The following VEZT variants were observed in gnomAD, a reference collection of about 807,000 sequenced individuals.
VEZT encodes the protein vezatin.
Under a neutral mutation model 79.9 loss-of-function variants are expected in VEZT, and 39 were observed. The observed-to-expected ratio is 0.49, with a 90% CI of 0.38 to 0.64. The LOEUF is 0.64. Among genes scored for constraint, VEZT ranks in the 30% least tolerant of loss-of-function variants. VEZT has a pLI of 0.00. For missense variants in VEZT, 837 were observed against 893.1 expected (o/e 0.94, Z 0.80); for synonymous variants, 325 against 327.6 (o/e 0.99, Z 0.09).
At position 95,266,549 on chromosome 12, in the gene VEZT, A is replaced by C. The variant is rs780956220; in HGVS notation, c.627A>C (p.Thr209=). ...KYSVHLEDMA[T]NSRAFTNLVR... ...GCGTTCATTTGGAAGATATGGCCAC[A>C]AACAGCCGAGCTTTTACTAACCTCG... Residue 209 remains threonine (T), a synonymous_variant, in exon 5 of 12, where the codon ACA becomes ACC. Transcript: ENST00000436874. 1 of 1,614,000 alleles carries C rather than the reference A, an allele frequency of 6.2e-7. No individual in the cohort carries two copies. Among genetic ancestry groups the C allele is most frequent in the South Asian group, 1.1e-5 (1 of 91,082 alleles).
intron 1 of VEZT, among the ~76,000 whole-genome samples, chr12:95,222,000 C>T (rs1358102474): frequency 6.6e-6 from 1 of 152,136 alleles, no homozygotes; most frequent in Non-Finnish European, 1.5e-5. Flanking sequence ...TATGCAAATA[C>T]TATGCCATTT....
intron 11 of VEZT, among the ~76,000 whole-genome samples, chr12:95,297,330 G>A (rs1032162301): frequency 3.9e-5 from 6 of 152,046 alleles, no homozygotes; most frequent in Admixed American, 3.3e-4. Context: ...GAAATCAACT[G>A]CCCTGCTTTT....
intron 2 of VEZT, among the ~76,000 whole-genome samples, chr12:95,254,056 C>T (rs1025549617): frequency 6.6e-6 from 1 of 152,162 alleles, no homozygotes; most frequent in Non-Finnish European, 1.5e-5. Flanking sequence ...TTACAATTCA[C>T]TGCAGCATTC....
rs969814947 is a variant in VEZT at position 95,224,381 on chromosome 12, C to G, written c.36+6495C>G. 7.0e-5 allele frequency: 27 copies of G among 385,914 alleles called. 1 individual carries two copies. Among genetic ancestry groups the G allele is most frequent in the Non-Finnish European group, 1.2e-4 (24 of 193,644 alleles). 23.9% of individuals were successfully genotyped at this position (385,914 alleles called of 1,614,324 possible). A position where few individuals can be genotyped will look rare whatever the true frequency, so the allele number is the denominator to read the frequency against. The stretch of plus-strand genomic sequence containing the variant: ...TAGGCTGGAATGCAGTGTTAACCAT[C>G]ATAACTCACTGCAGCCTCCAACTCC... On this transcript the variant is annotated intron_variant, in intron 1 of 11. Coordinates refer to ENST00000436874, the MANE Select transcript of VEZT (RefSeq NM_017599.4).
chr12:95,276,263 T>C (rs1211113659), intron 7 of VEZT, among the ~76,000 whole-genome samples: 40 of 102,820 alleles, frequency 3.9e-4, no homozygotes, highest in African/African-American at 1.1e-3. Context: ...TTTTTTCTTT[T>C]TTTTTTTTTT....
rs187294116 is a variant in VEZT, at chr12:95,292,022, A to G, written c.1523-2250A>G. Among the ~76,000 whole-genome samples the G allele has an allele frequency of 8.5e-4, 129 of 151,932 alleles. 1 individual carries two copies. The highest frequency in any genetic ancestry group is 3.0e-3 in the African/African-American group (124 of 41,422). Reference sequence around the variant, plus strand: ...GTCATGTTGGCCAGGCTGGTCTCCAACTCCTAACCTCAAGTGATCAGCCCA... The same window carrying G: ...GTCATGTTGGCCAGGCTGGTCTCCAGCTCCTAACCTCAAGTGATCAGCCCA... On this transcript the variant is annotated intron_variant, in intron 9 of 11. Transcript: ENST00000436874.
At chr12:95,243,531 T>C (rs944810829) in intron 1 of VEZT, among the ~76,000 whole-genome samples, 3 of 152,158 alleles carry the variant, frequency 2.0e-5, no homozygotes, top group African/African-American at 2.4e-5. Context: ...TGGCCTGTTA[T>C]AAATAAATAA....
chr12:95,282,664 C>A lies in VEZT; in HGVS notation c.1328+20C>A. On this transcript the variant is annotated intron_variant, in intron 8 of 11. Transcript: ENST00000436874. Reference sequence around the variant, plus strand: ...GAATGAGTAAGTTTAGAAATTATACCAAGAAAGGTCTCGGTAATTAGCAAG... The same window carrying A: ...GAATGAGTAAGTTTAGAAATTATACAAAGAAAGGTCTCGGTAATTAGCAAG... The A allele has an allele frequency of 6.4e-7, 1 of 1,554,128 alleles. No individual in the cohort carries two copies. The highest frequency in any genetic ancestry group is 1.2e-5 in the South Asian group (1 of 82,088).
intron 3 of VEZT, among the ~76,000 whole-genome samples, chr12:95,258,484 G>C (rs2063820300): frequency 6.6e-6 from 1 of 152,128 alleles, no homozygotes; most frequent in East Asian, 1.9e-4. Context: ...TAGTTTACTA[G>C]TAATGGAACA....
At chr12:95,227,255 G>C (rs528494803) in intron 1 of VEZT, among the ~76,000 whole-genome samples, 42 of 151,968 alleles carry the variant, frequency 2.8e-4, no homozygotes, top group African/African-American at 8.9e-4. Flanking sequence ...CCACTTCCCA[G>C]GCTCAGGTGA....
intron 1 of VEZT, among the ~76,000 whole-genome samples, chr12:95,227,709 C>T (rs368803290): frequency 5.3e-4 from 81 of 152,236 alleles, no homozygotes; most frequent in African/African-American, 1.8e-3. Context: ...TGTTCTGCCT[C>T]GGCCTCCCAA....
chr12:95,262,354 G>A (rs2064703685), intron 3 of VEZT: 1 of 152,220 alleles, frequency 6.6e-6, no homozygotes, highest in African/African-American at 2.4e-5. Context: ...TAGATGAATA[G>A]AAAGAAGAGA....
At chr12:95,251,378 T>C (rs543422059) in intron 1 of VEZT, among the ~76,000 whole-genome samples, 9 of 152,304 alleles carry the variant, frequency 5.9e-5, no homozygotes, top group African/African-American at 2.2e-4. Context: ...TGTCATATGC[T>C]CGTATGTAAG....
intron 1 of VEZT, among the ~76,000 whole-genome samples, chr12:95,241,709 A>G (rs775999288): frequency 2.6e-5 from 4 of 152,222 alleles, no homozygotes; most frequent in Non-Finnish European, 5.9e-5. Context: ...CTGCTTTATA[A>G]GAACATAGTA....
chr12:95,277,384 A>G (rs2068007217), intron 7 of VEZT, among the ~76,000 whole-genome samples: 1 of 152,162 alleles, frequency 6.6e-6, no homozygotes, highest in Non-Finnish European at 1.5e-5. Flanking sequence ...AAAATTCTGT[A>G]AAAACTTGGA....
chr12:95,287,973 A>C (rs2071424193), intron 9 of VEZT, 116 bp downstream of exon 9: 1 of 915,480 alleles, frequency 1.1e-6, no homozygotes, highest in African/African-American at 1.7e-5. Flanking sequence ...AAAATTTCTT[A>C]GTTTACTTTT....
At chr12:95,289,081 CAAAAA>C (rs71078697) in intron 9 of VEZT, among the ~76,000 whole-genome samples, 8 of 123,044 alleles carry the variant, frequency 6.5e-5, no homozygotes, top group Admixed American at 5.1e-4. Flanking sequence ...GACTCCGTCT[CAAAAA>C]AAAAAATAAA....
intron 9 of VEZT, chr12:95,293,981 C>T (rs889508275): frequency 1.5e-5 from 5 of 329,370 alleles, no homozygotes; most frequent in Admixed American, 4.3e-5. Flanking sequence ...CTTGATCTCC[C>T]CAGCTCAAGC....
At chr12:95,269,821 T>G (rs2066246829) in intron 5 of VEZT, 1 of 367,434 alleles carries the variant, frequency 2.7e-6, no homozygotes, top group Non-Finnish European at 4.7e-6. Context: ...AGATGTTAAT[T>G]TTTTGTCTTT....
Sources: gnomAD v4.1 joint callset for allele counts (sites outside exome capture counted in the v4.1 genomes callset) on GRCh38, gnomAD v4.1.1 for gene constraint, MANE v1.5 for transcripts, NCBI Gene and HGNC (gene_info 2026-07-23, HGNC 2026-07-21) for gene names.